Variants in UGT1A7 observed in about 807,000 individuals in gnomAD.
UGT1A7 encodes the protein UDP-glucuronosyltransferase 1A7.
In UGT1A7, 33 loss-of-function variants were observed where a neutral mutation model predicts 45.6. The observed-to-expected ratio is 0.72, with a 90% CI of 0.55 to 0.97. The LOEUF (loss-of-function observed/expected upper bound fraction) is 0.97, where lower values mean the gene tolerates loss of function less well. Among genes scored for constraint, UGT1A7 ranks in the 50% least tolerant of loss-of-function variants. The pLI, the probability that UGT1A7 is intolerant of heterozygous loss-of-function variation, is 0.00. For missense variants in UGT1A7, 684 were observed against 666.2 expected, an observed-to-expected ratio of 1.03 and a Z score of -0.29; for synonymous variants, 274 against 250.6, an observed-to-expected ratio of 1.09 and a Z score of -0.88.
At chr2:233,695,885 G>T (rs2075312141) in intron 1 of UGT1A7, among the ~76,000 whole-genome samples, 1 of 152,156 alleles carries the variant, frequency 6.6e-6, no homozygotes, top group South Asian at 2.1e-4. Context: ...GAAAACTTCA[G>T]TGAACAAATG....
intron 1 of UGT1A7, among the ~76,000 whole-genome samples, chr2:233,708,890 A>G (rs1437583883): frequency 1.3e-5 from 2 of 152,008 alleles, no homozygotes; most frequent in Non-Finnish European, 2.9e-5. Context: ...GAACAATCTC[A>G]GGGGCTATCT....
intron 1 of UGT1A7, among the ~76,000 whole-genome samples, chr2:233,692,665 T>C (rs2075108390): frequency 6.6e-6 from 1 of 152,170 alleles, no homozygotes; most frequent in African/African-American, 2.4e-5. Context: ...AAGTTCGGGA[T>C]AGAGAATTGG....
intron 1 of UGT1A7, among the ~76,000 whole-genome samples, chr2:233,757,422 GAAGAA>G (rs1401063463): frequency 6.6e-6 from 1 of 151,344 alleles, no homozygotes; most frequent in African/African-American, 2.4e-5. Flanking sequence ...AACGAAAAGA[GAAGAA>G]AAGTCACTTC....
At chr2:233,711,571 A>G (rs1167156612) in intron 1 of UGT1A7, among the ~76,000 whole-genome samples, 2 of 152,222 alleles carry the variant, frequency 1.3e-5, no homozygotes, top group African/African-American at 4.8e-5. Flanking sequence ...AAGCCCTTGC[A>G]GGCCTGCCTT....
intron 1 of UGT1A7, chr2:233,721,662 A>AG (rs2076961338): frequency 4.1e-6 from 1 of 245,624 alleles, no homozygotes; most frequent in Non-Finnish European, 8.2e-6. Context: ...GGGTCATGTA[A>AG]GGGTTAATCC....
At chr2:233,748,027 A>C in intron 1 of UGT1A7, 1 of 1,613,516 alleles carries the variant, frequency 6.2e-7, no homozygotes, top group Non-Finnish European at 8.5e-7. Flanking sequence ...ATCATGCCCA[A>C]CATGGTCTTC....
chr2:233,729,177 G>C, intron 1 of UGT1A7: 1 of 1,613,894 alleles, frequency 6.2e-7, no homozygotes, highest in Non-Finnish European at 8.5e-7. Flanking sequence ...CAGGACTGCT[G>C]CTTCTCCTCA....
intron 1 of UGT1A7, among the ~76,000 whole-genome samples, chr2:233,703,347 G>A (rs1484527518): frequency 6.6e-6 from 1 of 151,270 alleles, no homozygotes; most frequent in Admixed American, 6.6e-5. Flanking sequence ...TTTTTTCTTT[G>A]TTAATCTAAC....
In UGT1A7 at chr2:233,684,712, T is replaced by C. The variant is rs921329343; in HGVS notation, c.855+1920T>C. Reference sequence around the variant, plus strand: ...AGATGTGGAAGGTTATGTATTAATGTATATATTTATAAATAGAAAATAAAT... The same window carrying C: ...AGATGTGGAAGGTTATGTATTAATGCATATATTTATAAATAGAAAATAAAT... On this transcript the variant is annotated intron_variant, in intron 1 of 4. Transcript: ENST00000373426. 3.9e-5 allele frequency among the ~76,000 whole-genome samples: 6 copies of C among 152,014 alleles called. No homozygotes were observed. In the South Asian group the frequency reaches 1.2e-3, roughly 31 times the overall value.
intron 1 of UGT1A7, chr2:233,690,419 C>A: frequency 8.1e-7 from 1 of 1,228,856 alleles, no homozygotes; most frequent in Non-Finnish European, 1.1e-6. Flanking sequence ...AAATTACCTT[C>A]ATGCACATCT....
At chr2:233,693,835 C>A (rs764583792) in intron 1 of UGT1A7, 2 of 1,614,056 alleles carry the variant, frequency 1.2e-6, no homozygotes, top group Non-Finnish European at 1.7e-6. Context: ...TTGGAGGTAT[C>A]AACTGTAAGA....
At chr2:233,734,546 C>A (rs975748353) in intron 1 of UGT1A7, among the ~76,000 whole-genome samples, 4 of 151,914 alleles carry the variant, frequency 2.6e-5, no homozygotes, top group Non-Finnish European at 5.9e-5. Context: ...TATTTCTTCC[C>A]TTCTGCTAGC....
intron 1 of UGT1A7, among the ~76,000 whole-genome samples, chr2:233,724,153 T>C (rs1193924523): frequency 7.3e-3 from 371 of 51,008 alleles, no homozygotes; most frequent in Admixed American, 0.011. Flanking sequence ...GCTGGCCGGG[T>C]GGGGGGGCTG....
rs1699307451 is a variant in UGT1A7, at chr2:233,767,015, A to G, written c.856-19A>G. The G allele has an allele frequency of 6.2e-7, 1 of 1,613,760 alleles. No homozygotes were observed. Among genetic ancestry groups the G allele is most frequent in the South Asian group, 1.1e-5 (1 of 90,990 alleles). On this transcript the variant is annotated intron_variant, in intron 1 of 4. Transcript: ENST00000373426. The stretch of plus-strand genomic sequence containing the variant: ...GAATATGAGAAAAAATTAACTGAAA[A>G]TTTTTCTTCTGGCTCTAGGAATTTG...
At position 233,681,977 on chromosome 2, in the gene UGT1A7, G is replaced by A; in HGVS notation, c.40G>A (p.Val14Met). 6.2e-7 allele frequency: 1 copy of A among 1,614,190 alleles called. No individual in the cohort carries two copies. Among genetic ancestry groups the A allele is most frequent in the East Asian group, 2.2e-5 (1 of 44,892 alleles). The change falls in exon 1 of 5, where the codon GTG becomes ATG. Residue 14 changes from valine (V) to methionine (M), a missense_variant. Physicochemically the swap from Val to Met is conservative, Grantham distance 21. Coordinates refer to ENST00000373426, the MANE Select transcript of UGT1A7 (RefSeq NM_019077.3). ...AGWTGLLPLY[V>M]CLLLTCGFAK... is the part of the protein sequence containing the mutation. The stretch of plus-strand genomic sequence containing the variant: ...GTGGACTGGCCTCCTTCCCCTATAT[G>A]TGTGTCTACTGCTGACCTGTGGCTT...
chr2:233,706,366 C>T (rs775485067), intron 1 of UGT1A7, among the ~76,000 whole-genome samples: 1 of 152,190 alleles, frequency 6.6e-6, no homozygotes, highest in East Asian at 1.9e-4. Context: ...CCAATTTAGG[C>T]CATTGTACAA....
At chr2:233,692,125 C>T (rs948128229) in intron 1 of UGT1A7, 1 of 152,114 alleles carries the variant, frequency 6.6e-6, no homozygotes, top group Non-Finnish European at 1.5e-5. Context: ...TCAATCATGC[C>T]TACTATGTAT....
rs1199920513 is a variant in UGT1A7, at chr2:233,767,073, A to G, written c.895A>G (p.Ile299Val). The change falls in exon 2 of 5, where the codon ATT becomes GTT. Residue 299 changes from isoleucine (I) to valine (V), a missense_variant. Coordinates refer to ENST00000373426, the MANE Select transcript of UGT1A7 (RefSeq NM_019077.3). ...CATTAATGCTTCTGGAGAACATGGA[A>G]TTGTGGTTTTCTCTTTGGGATCAAT... is the stretch of plus-strand genomic sequence containing the variant. Reference protein sequence around the residue: ...AYINASGEHGIVVFSLGSMVS... With the variant: ...AYINASGEHGVVVFSLGSMVS... 3.1e-6 allele frequency: 5 copies of G among 1,614,112 alleles called. No homozygotes were observed. Among genetic ancestry groups the G allele is most frequent in the Non-Finnish European group, 3.4e-6 (4 of 1,179,992 alleles).
At chr2:233,729,570 G>T (rs1300116271) in intron 1 of UGT1A7, 1 of 1,613,988 alleles carries the variant, frequency 6.2e-7, no homozygotes, top group Non-Finnish European at 8.5e-7. Flanking sequence ...CCTTTGATGT[G>T]GTTTTAACAG....
Sources: gnomAD v4.1 joint callset for allele counts (sites outside exome capture counted in the v4.1 genomes callset) on GRCh38, gnomAD v4.1.1 for gene constraint, MANE v1.5 for transcripts, NCBI Gene and HGNC (gene_info 2026-07-23, HGNC 2026-07-21) for gene names.